PLEKHG4B: variants seen among roughly 807,000 people sequenced by gnomAD.
PLEKHG4B encodes pleckstrin homology domain-containing family G member 4B.
In PLEKHG4B, 111 loss-of-function variants were observed where a neutral mutation model predicts 121.3. The ratio of observed to expected loss-of-function variants is 0.92; its 90% CI spans 0.78 to 1.07. The LOEUF is 1.07. PLEKHG4B is among the 50% of genes least tolerant of loss of function. The pLI is 0.00. For missense variants in PLEKHG4B, 1,831 were observed against 1,757.8 expected (o/e 1.04, Z -0.74); for synonymous variants, 738 against 725.0 (o/e 1.02, Z -0.29).
chr5:93,965 C>T (rs1733550654), intron 1 of PLEKHG4B, among the ~76,000 whole-genome samples: 1 of 152,184 alleles, frequency 6.6e-6, no homozygotes, highest in African/African-American at 2.4e-5. Flanking sequence ...TGCCTCCCTC[C>T]TTCCAAACAG....
Position 157,652 on chromosome 5 carries a change from C to A in PLEKHG4B, c.2487+741C>A, listed in dbSNP as rs1289322883. 1.3e-5 allele frequency among the ~76,000 whole-genome samples: 2 copies of A among 152,192 alleles called. No homozygotes were observed. Among genetic ancestry groups the A allele is most frequent in the African/African-American group, 2.4e-5 (1 of 41,442 alleles). ...GCTTAGCTCAGGGGTGCAGATGATGCTGCTGCCTCATTTTGATGCCCCTCT... is the reference window on the plus strand; with the variant it reads ...GCTTAGCTCAGGGGTGCAGATGATGATGCTGCCTCATTTTGATGCCCCTCT... On this transcript the variant is annotated intron_variant, in intron 11 of 19. Coordinates refer to ENST00000637938, the MANE Select transcript of PLEKHG4B (RefSeq NM_052909.5). The surrounding 1 kb of genome is among the most constrained non-coding windows in gnomAD (Gnocchi z 4.6).
intron 19 of PLEKHG4B, 122 bp from the exon 20 acceptor site, chr5:181,882 G>A (rs1384578645): frequency 1.5e-6 from 2 of 1,316,480 alleles, no homozygotes; most frequent in Non-Finnish European, 2.1e-6. Context: ...TGGTGGGTTG[G>A]ATGGGCATGA....
At chr5:155,190 C>T (rs1234613316) in intron 8 of PLEKHG4B, among the ~76,000 whole-genome samples, 155 bp from the exon 9 acceptor site, 2 of 152,194 alleles carry the variant, frequency 1.3e-5, no homozygotes, top group Admixed American at 6.5e-5. Flanking sequence ...AGGGCACTGC[C>T]GCCCCGGAAG....
At chr5:147,442 CAG>C (rs984086027) in intron 6 of PLEKHG4B, among the ~76,000 whole-genome samples, 118 of 152,330 alleles carry the variant, frequency 7.7e-4, no homozygotes, top group African/African-American at 2.7e-3. Flanking sequence ...GGGGAGGAAA[CAG>C]AGCTGACCAG....
Position 139,905 on chromosome 5 carries a change from C to A in PLEKHG4B, c.666C>A (p.Ser222Arg). The A allele has an allele frequency of 5.0e-6, 2 of 403,488 alleles. No homozygotes were observed. Among genetic ancestry groups the A allele is most frequent in the Non-Finnish European group, 4.4e-6 (1 of 228,974 alleles). 25.0% of individuals were successfully genotyped at this position (403,488 alleles called of 1,614,324 possible). A position where few individuals can be genotyped will look rare whatever the true frequency, so the allele number is the denominator to read the frequency against. ...GCACAGGTCCTGAGCGGCTGCCCAG[C>A]AGCCCCTCAGAGGCCCCAGTCCCCA... ...SSCTGPERLP[S>R]SPSEAPVPTQ... The change falls in exon 3 of 20, where the codon AGC becomes AGA. Residue 222 changes from serine (S) to arginine (R), a missense_variant. By Grantham distance (110) the Ser-to-Arg change is moderately radical. Coordinates refer to ENST00000637938, the MANE Select transcript of PLEKHG4B (RefSeq NM_052909.5). This position sits in a 1 kb window ranked among gnomAD's most constrained non-coding sequence, Gnocchi z 5.0.
chr5:123,348 G>A (rs1734524682), intron 2 of PLEKHG4B, among the ~76,000 whole-genome samples: 2 of 152,242 alleles, frequency 1.3e-5, no homozygotes, highest in Non-Finnish European at 2.9e-5. Context: ...AGGGATATTA[G>A]TCTATATTTT....
At position 140,295 on chromosome 5, in the gene PLEKHG4B, C is replaced by A; in HGVS notation, c.1056C>A (p.Phe352Leu). The part of the protein sequence containing the change: ...DPTCVQPRRW[F>L]RESYMEALRN... Reference sequence around the variant, plus strand: ...CTTGTGTGCAGCCTAGACGCTGGTTCAGGGAGTCGTACATGGAAGCCTTGC... The same window carrying A: ...CTTGTGTGCAGCCTAGACGCTGGTTAAGGGAGTCGTACATGGAAGCCTTGC... Residue 352 changes from phenylalanine (F) to leucine (L), a missense_variant, in exon 3 of 20, where the codon TTC becomes TTA. Transcript: ENST00000637938. 2 of 1,482,550 alleles carry A rather than the reference C, an allele frequency of 1.3e-6. No individual in the cohort carries two copies. Among genetic ancestry groups the A allele is most frequent in the South Asian group, 2.8e-5 (2 of 71,302 alleles). The allele number at this position is 1,482,550 out of a possible 1,614,324, so 91.8% of individuals were successfully genotyped here.
chr5:156,102 C>A lies in PLEKHG4B; in HGVS notation c.2240C>A (p.Thr747Lys). The A allele has an allele frequency of 6.3e-7, 1 of 1,598,512 alleles. No homozygotes were observed. Among genetic ancestry groups the A allele is most frequent in the Non-Finnish European group, 8.5e-7 (1 of 1,172,082 alleles). The change falls in exon 10 of 20, where the codon ACG becomes AAG. Residue 747 changes from threonine (T) to lysine (K), a missense_variant. Physicochemically the swap from Thr to Lys is moderately conservative, Grantham distance 78 (BLOSUM62 -1). Coordinates refer to ENST00000637938, the MANE Select transcript of PLEKHG4B (RefSeq NM_052909.5). The surrounding 1 kb of genome is among the most constrained non-coding windows in gnomAD (Gnocchi z 4.4). ...GCCGAGTTAATTGACCAGCATGAGA[C>A]GATGATGAAGCTTGTCCTGGAAGAC... ...EVAELIDQHE[T>K]MMKLVLEDPL...
chr5:140,294 T>G lies in PLEKHG4B; in HGVS notation c.1055T>G (p.Phe352Cys). The G allele has an allele frequency of 1.3e-6, 2 of 1,481,812 alleles. No individual in the cohort carries two copies. The highest frequency in any genetic ancestry group is 1.8e-6 in the Non-Finnish European group (2 of 1,117,460). The allele number at this position is 1,481,812 out of a possible 1,614,324, so 91.8% of individuals were successfully genotyped here. ...DPTCVQPRRWFRESYMEALRN... is the reference protein window; with the variant it reads ...DPTCVQPRRWCRESYMEALRN... ...ACTTGTGTGCAGCCTAGACGCTGGT[T>G]CAGGGAGTCGTACATGGAAGCCTTG... The change falls in exon 3 of 20, where the codon TTC (phenylalanine) becomes TGC (cysteine). Residue 352 changes from phenylalanine (F) to cysteine (C), a missense_variant. By Grantham distance (205) the Phe-to-Cys change is radical. Transcript: ENST00000637938.
At position 140,404 on chromosome 5, in the gene PLEKHG4B, G is replaced by C. The variant is rs1735125136; in HGVS notation, c.1165G>C (p.Gly389Arg). 1 of 1,554,800 alleles carries C rather than the reference G, an allele frequency of 6.4e-7. No homozygotes were observed. The highest frequency in any genetic ancestry group is 8.7e-7 in the Non-Finnish European group (1 of 1,150,086). ...SSLTGASRDL[G>R]TGAVASGTQE... ...CCTGACTGGAGCCAGCAGGGACCTG[G>C]GGACTGGGGCAGTAGCCAGTGGGAC... The change falls in exon 3 of 20, where the codon GGG becomes CGG. Residue 389 changes from glycine to arginine, a missense_variant. By Grantham distance (125) the Gly-to-Arg change is moderately radical (BLOSUM62 -2). Coordinates refer to ENST00000637938, the MANE Select transcript of PLEKHG4B (RefSeq NM_052909.5).
chr5:151,681 A>T (rs773995428), intron 7 of PLEKHG4B, 82 bp downstream of exon 7: 1 of 925,570 alleles, frequency 1.1e-6, no homozygotes, highest in Non-Finnish European at 1.6e-6. Flanking sequence ...CACATGAAGG[A>T]ATTTAGATAA....
intron 2 of PLEKHG4B, among the ~76,000 whole-genome samples, chr5:122,566 T>A (rs1452774210): frequency 6.6e-6 from 1 of 151,956 alleles, no homozygotes; most frequent in African/African-American, 2.4e-5. Context: ...ATTACAGGCA[T>A]CCACCACCAC....
Position 113,140 on chromosome 5 carries a change from A to C in PLEKHG4B, c.46-111A>C. 1 of 398,230 alleles carries C rather than the reference A, an allele frequency of 2.5e-6. No individual in the cohort carries two copies. Among genetic ancestry groups the C allele is most frequent in the Admixed American group, 4.4e-5 (1 of 22,734 alleles). 24.7% of individuals were successfully genotyped at this position (398,230 alleles called of 1,614,324 possible). ...TCTCAGTTAACTCACATCATGCCAGACACAGGACAAGGGACTTCCGTGTGG... is the reference window on the plus strand; with the variant it reads ...TCTCAGTTAACTCACATCATGCCAGCCACAGGACAAGGGACTTCCGTGTGG... On this transcript the variant is annotated intron_variant, in intron 1 of 19. Coordinates refer to ENST00000637938, the MANE Select transcript of PLEKHG4B (RefSeq NM_052909.5). This position sits in a 1 kb window ranked among gnomAD's most constrained non-coding sequence, Gnocchi z 5.2.
At chr5:161,733 T>G in intron 11 of PLEKHG4B, 50 bp from the exon 12 acceptor site, 1 of 1,612,268 alleles carries the variant, frequency 6.2e-7, no homozygotes, top group Non-Finnish European at 8.5e-7. Flanking sequence ...CCTGGAGACA[T>G]GAACGTGGAA....
intron 18 of PLEKHG4B, among the ~76,000 whole-genome samples, chr5:176,156 C>T (rs1360127014): frequency 8.4e-6 from 1 of 119,148 alleles, no homozygotes; most frequent in Non-Finnish European, 2.1e-5. Context: ...GGCTACTCCA[C>T]ACCCCCGTGG....
In PLEKHG4B at chr5:140,738, C is replaced by T. The variant is rs539408922; in HGVS notation, c.1477+22C>T. 3.4e-5 allele frequency: 52 copies of T among 1,522,234 alleles called. No homozygotes were observed. The African/African-American group carries it at 6.9e-4, about 20-fold the overall frequency. 94.3% of individuals were successfully genotyped at this position (1,522,234 alleles called of 1,614,324 possible). On this transcript the variant is annotated intron_variant, in intron 3 of 19. Transcript: ENST00000637938. Reference sequence around the variant, plus strand: ...GAAGGTAAATGCTCCCCACGCCCTCCCCTGCGCACCCCCACAACCTCCCCT... The same window carrying T: ...GAAGGTAAATGCTCCCCACGCCCTCTCCTGCGCACCCCCACAACCTCCCCT...
chr5:172,779 AG>A, intron 16 of PLEKHG4B, 117 bp from the exon 17 acceptor site: 1 of 1,129,170 alleles, frequency 8.9e-7, no homozygotes, highest in Non-Finnish European at 1.3e-6. Flanking sequence ...ATTTTATGGC[AG>A]TTTGGCTGCT....
intron 17 of PLEKHG4B, 115 bp from the exon 18 acceptor site, chr5:173,803 A>G (rs1261790902): frequency 1.6e-6 from 2 of 1,248,222 alleles, no homozygotes; most frequent in African/African-American, 3.0e-5. Flanking sequence ...CCCATCCCAC[A>G]CATTTGTCAT....
At chr5:167,182 TGTGTGGGTC>T (rs1317847097) in intron 13 of PLEKHG4B, among the ~76,000 whole-genome samples, 1 of 152,230 alleles carries the variant, frequency 6.6e-6, no homozygotes, top group Non-Finnish European at 1.5e-5. Context: ...AGGAGGCTTT[TGTGTGGGTC>T]GTGACACTGG....
Sources: allele counts gnomAD v4.1 joint callset (sites outside exome capture counted in the v4.1 genomes callset), GRCh38; gene constraint gnomAD v4.1.1; non-coding constraint Gnocchi (gnomAD v3.1); transcripts MANE v1.5; gene names NCBI Gene and HGNC (gene_info 2026-07-23, HGNC 2026-07-21).